The following DOCK4 variants were observed in gnomAD, a reference collection of about 807,000 sequenced individuals.
The protein encoded by DOCK4 is dedicator of cytokinesis 4.
A neutral mutation model predicts 268.1 loss-of-function variants in DOCK4; 97 were observed. The observed-to-expected ratio is 0.36, with a 90% CI of 0.31 to 0.43. DOCK4 has a LOEUF of 0.43. Ranked by LOEUF, DOCK4 falls within the 20% of genes least tolerant of loss-of-function variation. The pLI is 1.00. For missense variants in DOCK4, 2,145 were observed against 2,455.7 expected (o/e 0.87, Z 2.67); for synonymous variants, 954 against 887.2 (o/e 1.08, Z -1.34).
intron 1 of DOCK4, among the ~76,000 whole-genome samples, chr7:112,164,222 G>C (rs1288660765): frequency 2.0e-5 from 3 of 152,052 alleles, no homozygotes; most frequent in Non-Finnish European, 2.9e-5. Flanking sequence ...AGTGAGCTAT[G>C]ATCAAGCCAC....
chr7:112,107,310 A>G (rs556643797), intron 1 of DOCK4, among the ~76,000 whole-genome samples: 1 of 152,354 alleles, frequency 6.6e-6, no homozygotes, highest in South Asian at 2.1e-4. Context: ...TAAAGGGGTA[A>G]CTAAGGTTAA....
intron 42 of DOCK4, among the ~76,000 whole-genome samples, chr7:111,750,706 G>A (rs117017752): frequency 0.01 from 1,549 of 152,170 alleles, 17 homozygotes; most frequent in Non-Finnish European, 0.017. Context: ...GTCCTGCATC[G>A]AACTTGACAA....
intron 42 of DOCK4, 79 bp downstream of exon 42, chr7:111,755,436 A>C (rs1263480551): frequency 7.3e-7 from 1 of 1,372,438 alleles, no homozygotes. Context: ...GGGTCGAAGG[A>C]GAAGTAATGA....
At chr7:112,156,269 C>T (rs1190714554) in intron 1 of DOCK4, among the ~76,000 whole-genome samples, 1 of 152,216 alleles carries the variant, frequency 6.6e-6, no homozygotes, top group African/African-American at 2.4e-5. Context: ...AGTCCTCCTT[C>T]ATCCTTCTCA....
chr7:112,010,187 G>A (rs532080011), intron 1 of DOCK4, among the ~76,000 whole-genome samples: 5 of 152,222 alleles, frequency 3.3e-5, no homozygotes, highest in South Asian at 2.1e-4. Context: ...AGGAAAAGGG[G>A]TCACCTCTTC....
intron 1 of DOCK4, among the ~76,000 whole-genome samples, chr7:112,107,088 A>AT (rs1811201945): frequency 6.6e-6 from 1 of 152,224 alleles, no homozygotes; most frequent in Non-Finnish European, 1.5e-5. Flanking sequence ...TTTATTATGT[A>AT]TGGGCATTAT....
intron 21 of DOCK4, among the ~76,000 whole-genome samples, chr7:111,868,366 C>T (rs1173692588): frequency 6.6e-6 from 1 of 152,116 alleles, no homozygotes; most frequent in Admixed American, 6.5e-5. Context: ...AATTTAAAAA[C>T]ACTTTAAATT....
At chr7:111,749,340 G>T (rs1416000118) in intron 42 of DOCK4, among the ~76,000 whole-genome samples, 1 of 152,132 alleles carries the variant, frequency 6.6e-6, no homozygotes, top group East Asian at 1.9e-4. Context: ...TGGTTCCCAG[G>T]GTCTAGGGGA....
At chr7:111,976,607 T>C (rs921938616) in intron 8 of DOCK4, 1 of 151,944 alleles carries the variant, frequency 6.6e-6, no homozygotes, top group Non-Finnish European at 1.5e-5. Flanking sequence ...AGAATTGTAA[T>C]AGGTAAGACT....
intron 1 of DOCK4, among the ~76,000 whole-genome samples, chr7:112,019,372 A>T (rs1247056311): frequency 6.6e-6 from 1 of 152,184 alleles, no homozygotes; most frequent in Non-Finnish European, 1.5e-5. Context: ...GTAATTAAAA[A>T]CTATCTTATT....
At chr7:111,815,566 C>T (rs529031055) in intron 27 of DOCK4, among the ~76,000 whole-genome samples, 1 of 152,188 alleles carries the variant, frequency 6.6e-6, no homozygotes, top group South Asian at 2.1e-4. Context: ...TTTCAATATG[C>T]TACCACAAAC....
At chr7:111,988,781 C>A (rs1799255913) in intron 6 of DOCK4, among the ~76,000 whole-genome samples, 1 of 152,188 alleles carries the variant, frequency 6.6e-6, no homozygotes, top group Non-Finnish European at 1.5e-5. Context: ...CATGTCCACA[C>A]CATCAAGCCA....
intron 30 of DOCK4, among the ~76,000 whole-genome samples, chr7:111,803,913 T>C (rs897936356): frequency 1.3e-5 from 2 of 152,130 alleles, no homozygotes; most frequent in African/African-American, 4.8e-5. Context: ...CTCACACCCA[T>C]TAGGATGACT....
intron 4 of DOCK4, among the ~76,000 whole-genome samples, chr7:111,995,917 C>T (rs908042447): frequency 6.6e-6 from 1 of 152,134 alleles, no homozygotes; most frequent in Non-Finnish European, 1.5e-5. Flanking sequence ...AATATATAAA[C>T]TGTGACAGAC....
chr7:112,034,471 T>C (rs915854200), intron 1 of DOCK4, among the ~76,000 whole-genome samples: 8 of 152,136 alleles, frequency 5.3e-5, no homozygotes, highest in Non-Finnish European at 7.4e-5. Flanking sequence ...TTGAAAGTTA[T>C]AAAGAAAGAA....
intron 1 of DOCK4, among the ~76,000 whole-genome samples, chr7:112,129,431 A>G (rs963839137): frequency 2.0e-5 from 3 of 152,240 alleles, no homozygotes; most frequent in Admixed American, 2.0e-4. Flanking sequence ...GTTTGATGGA[A>G]CAATTCTGTA....
At chr7:111,759,770 C>T (rs145585551) in intron 40 of DOCK4, among the ~76,000 whole-genome samples, 1,440 of 120,276 alleles carry the variant, frequency 0.012, 26 homozygotes, top group African/African-American at 0.044. Flanking sequence ...TTCCTCATTC[C>T]AGAATACAAA....
At chr7:112,126,560 G>T (rs934297505) in intron 1 of DOCK4, among the ~76,000 whole-genome samples, 1 of 152,114 alleles carries the variant, frequency 6.6e-6, no homozygotes, top group Non-Finnish European at 1.5e-5. Flanking sequence ...TGACAAATGG[G>T]ATCTAATTAA....
chr7:111,914,892 A>C (rs897237212), intron 13 of DOCK4, among the ~76,000 whole-genome samples: 3 of 152,208 alleles, frequency 2.0e-5, no homozygotes, highest in Non-Finnish European at 4.4e-5. Context: ...CTTTGTACAT[A>C]GAAAGTGCTA....
Sources: gnomAD v4.1 joint callset for allele counts (sites outside exome capture counted in the v4.1 genomes callset) on GRCh38, gnomAD v4.1.1 for gene constraint, MANE v1.5 for transcripts, NCBI Gene and HGNC (gene_info 2026-07-23, HGNC 2026-07-21) for gene names.